PTPN5: variants seen among roughly 807,000 people sequenced by gnomAD.
The protein encoded by PTPN5 is protein tyrosine phosphatase non-receptor type 5, also known as tyrosine-protein phosphatase non-receptor type 5.
PTPN5 carries 29 observed loss-of-function variants against 73.9 expected under a neutral mutation model. That is an observed-to-expected ratio of 0.39 (90% CI 0.29 to 0.54). The LOEUF (loss-of-function observed/expected upper bound fraction) is 0.54, where lower values mean the gene tolerates loss of function less well. Among genes scored for constraint, PTPN5 ranks in the 20% least tolerant of loss-of-function variants. The pLI is 0.65. For missense variants in PTPN5, 652 were observed against 751.4 expected (o/e 0.87, Z 1.55); for synonymous variants, 267 against 304.7 (o/e 0.88, Z 1.29).
intron 8 of PTPN5, among the ~76,000 whole-genome samples, chr11:18,739,915 AG>A (rs1176685189): frequency 1.3e-5 from 2 of 152,170 alleles, no homozygotes; most frequent in African/African-American, 4.8e-5. Flanking sequence ...ACCCCTGTGG[AG>A]GGTGGAAAGT....
In PTPN5 at chr11:18,733,984, G is replaced by T. The variant is rs779887370; in HGVS notation, c.1001-349C>A. Among the ~76,000 whole-genome samples, 50 of 152,302 alleles carry T rather than the reference G, an allele frequency of 3.3e-4. No homozygotes were observed. Among genetic ancestry groups the T allele is most frequent in the Admixed American group, 8.5e-4 (13 of 15,306 alleles). On this transcript the variant is annotated intron_variant, in intron 9 of 14. Transcript: ENST00000358540. The surrounding 1 kb of genome is among the most constrained non-coding windows in gnomAD (Gnocchi z 4.3). The stretch of plus-strand genomic sequence containing the variant: ...GAAATTCCTGTACAGATCTTGTTCA[G>T]CAAGAGACAGCTAGCTTGAGTACAC...
intron 1 of PTPN5, among the ~76,000 whole-genome samples, chr11:18,778,178 T>C (rs1851259134): frequency 6.6e-6 from 1 of 152,180 alleles, no homozygotes; most frequent in Admixed American, 6.5e-5. Context: ...ATCTTTAAAA[T>C]AGAGCAGCAG....
chr11:18,762,916 C>G (rs980854263), intron 3 of PTPN5, among the ~76,000 whole-genome samples: 1 of 152,176 alleles, frequency 6.6e-6, no homozygotes. Context: ...AGGGTGGGAA[C>G]TGTTTTCAGT....
intron 1 of PTPN5, among the ~76,000 whole-genome samples, chr11:18,780,523 C>T (rs777355137): frequency 2.0e-4 from 30 of 152,146 alleles, no homozygotes; most frequent in Admixed American, 3.9e-4. Flanking sequence ...GAAAGGCCTT[C>T]CTGCTCCTCC....
chr11:18,775,532 G>A (rs1372496670), intron 1 of PTPN5, among the ~76,000 whole-genome samples: 1 of 152,198 alleles, frequency 6.6e-6, no homozygotes, highest in Non-Finnish European at 1.5e-5. Flanking sequence ...TCCACTTGAA[G>A]CAACAGCCCA....
At chr11:18,791,870 C>T (rs1308447530), upstream of PTPN5, 5 of 152,076 alleles carry the variant, frequency 3.3e-5, no homozygotes, top group African/African-American at 4.8e-5. Flanking sequence ...CGGGCTTCCG[C>T]CGCTCGCCGG....
At chr11:18,756,914 A>G (rs897587635) in intron 3 of PTPN5, among the ~76,000 whole-genome samples, 14 of 139,262 alleles carry the variant, frequency 1.0e-4, no homozygotes, top group Non-Finnish European at 1.4e-4. Flanking sequence ...ACAGAGCAAG[A>G]CTCCATCAAA....
At chr11:18,788,712 C>T (rs1590633393) in intron 1 of PTPN5, among the ~76,000 whole-genome samples, 1 of 152,300 alleles carries the variant, frequency 6.6e-6, no homozygotes, top group South Asian at 2.1e-4. Context: ...AGGGAAAGGA[C>T]AGGCAATACG....
intron 3 of PTPN5, among the ~76,000 whole-genome samples, chr11:18,763,647 C>T (rs995557744): frequency 7.2e-5 from 11 of 152,188 alleles, no homozygotes; most frequent in Admixed American, 2.6e-4. Context: ...CTGAAGTTGT[C>T]CATGAACTTT....
intron 1 of PTPN5, among the ~76,000 whole-genome samples, chr11:18,787,843 G>C (rs770523666): frequency 6.6e-6 from 1 of 152,124 alleles, no homozygotes; most frequent in African/African-American, 2.4e-5. Context: ...TTTTAGCAAC[G>C]TATCCCTAGG....
At chr11:18,765,062 T>C (rs1015315646) in intron 3 of PTPN5, among the ~76,000 whole-genome samples, 31 of 152,356 alleles carry the variant, frequency 2.0e-4, no homozygotes, top group African/African-American at 7.0e-4. Flanking sequence ...TATGAAAATA[T>C]ATGCTATGTT....
chr11:18,770,099 C>T (rs4757716), intron 2 of PTPN5, among the ~76,000 whole-genome samples: 132,844 of 152,202 alleles, frequency 0.87, 59,871 homozygotes, highest in Middle Eastern at 1. Context: ...CAGCTGGTAG[C>T]GTCCGATCTG....
At chr11:18,761,273 C>T (rs897676912) in intron 3 of PTPN5, among the ~76,000 whole-genome samples, 2 of 152,152 alleles carry the variant, frequency 1.3e-5, no homozygotes, top group African/African-American at 2.4e-5. Flanking sequence ...GCTTTATCTA[C>T]CTCCTTCTTC....
intron 1 of PTPN5, among the ~76,000 whole-genome samples, chr11:18,775,210 A>C (rs1167995634): frequency 1.3e-5 from 2 of 152,160 alleles, no homozygotes; most frequent in Non-Finnish European, 2.9e-5. Context: ...CACATTCCTA[A>C]CCTCTCTTTC....
chr11:18,734,643 C>T (rs1009402755), intron 9 of PTPN5, among the ~76,000 whole-genome samples: 1 of 152,210 alleles, frequency 6.6e-6, no homozygotes, highest in Non-Finnish European at 1.5e-5. Flanking sequence ...CCCCACTCTG[C>T]TCTTCTTCCT....
chr11:18,738,770 G>C (rs1849231494), intron 8 of PTPN5, among the ~76,000 whole-genome samples: 1 of 152,012 alleles, frequency 6.6e-6, no homozygotes, highest in Non-Finnish European at 1.5e-5. Flanking sequence ...TCAGGAGTTT[G>C]AGACCACCCT....
chr11:18,763,913 G>A (rs762987580), intron 3 of PTPN5, among the ~76,000 whole-genome samples: 4 of 152,154 alleles, frequency 2.6e-5, no homozygotes, highest in Admixed American at 1.3e-4. Context: ...GGACTCAAAC[G>A]CCAAATCCCA....
chr11:18,731,234 TATCATATATACATAC>T (rs1348218923), intron 12 of PTPN5, among the ~76,000 whole-genome samples: 1 of 148,942 alleles, frequency 6.7e-6, no homozygotes, highest in African/African-American at 2.4e-5. Context: ...AGGATATGTA[TATCATATATACATAC>T]ATATATGATA....
intron 1 of PTPN5, among the ~76,000 whole-genome samples, chr11:18,787,374 C>T (rs1330564277): frequency 1.3e-5 from 2 of 152,132 alleles, no homozygotes; most frequent in African/African-American, 4.8e-5. Flanking sequence ...TGTGAAGGGC[C>T]AGGCTTGGTT....
Sources: allele counts gnomAD v4.1 joint callset (sites outside exome capture counted in the v4.1 genomes callset), GRCh38; gene constraint gnomAD v4.1.1; non-coding constraint Gnocchi (gnomAD v3.1); transcripts MANE v1.5; gene names NCBI Gene and HGNC (gene_info 2026-07-23, HGNC 2026-07-21).